CDR2: variants seen among roughly 807,000 people sequenced by gnomAD.
CDR2 encodes the protein cerebellar degeneration-related protein 2.
A neutral mutation model predicts 48.4 loss-of-function variants in CDR2; 34 were observed. The ratio of observed to expected loss-of-function variants is 0.70; its 90% CI spans 0.53 to 0.94. The LOEUF (loss-of-function observed/expected upper bound fraction) is 0.94. CDR2 is among the 40% of genes least tolerant of loss of function. The pLI, the probability that CDR2 is intolerant of heterozygous loss-of-function variation, is 0.00. For missense variants in CDR2, 498 were observed against 549.5 expected, an observed-to-expected ratio of 0.91 and a Z score of 0.94; for synonymous variants, 240 against 219.7, an observed-to-expected ratio of 1.09 and a Z score of -0.82.
chr16:22,358,787 T>C (rs566682230), intron 2 of CDR2, among the ~76,000 whole-genome samples: 1 of 152,238 alleles, frequency 6.6e-6, no homozygotes, highest in Non-Finnish European at 1.5e-5. Context: ...GCGGGAGGCA[T>C]GAACATGAAA....
At chr16:22,364,548 C>T (rs2049032435) in intron 2 of CDR2, among the ~76,000 whole-genome samples, 1 of 151,956 alleles carries the variant, frequency 6.6e-6, no homozygotes, top group East Asian at 1.9e-4. Context: ...TTCTCTTACC[C>T]CATTCTGTAT....
chr16:22,356,954 A>AG (rs2048978404), intron 2 of CDR2, among the ~76,000 whole-genome samples: 1 of 108,424 alleles, frequency 9.2e-6, no homozygotes, highest in African/African-American at 3.0e-5. Context: ...AAAAAAAAAG[A>AG]AAAAAAAAAA....
intron 2 of CDR2, among the ~76,000 whole-genome samples, chr16:22,350,379 T>C (rs989851729): frequency 6.6e-6 from 1 of 152,102 alleles, no homozygotes; most frequent in African/African-American, 2.4e-5. Flanking sequence ...ATCAGCATGA[T>C]TGATTCAATT....
At chr16:22,351,921 C>A (rs1020119019) in intron 2 of CDR2, among the ~76,000 whole-genome samples, 3 of 152,128 alleles carry the variant, frequency 2.0e-5, no homozygotes, top group African/African-American at 7.2e-5. Flanking sequence ...TACTGATGAT[C>A]AAACTGTAAA....
intron 1 of CDR2, among the ~76,000 whole-genome samples, chr16:22,366,465 A>T (rs1394258447): frequency 6.6e-6 from 1 of 152,230 alleles, no homozygotes; most frequent in Non-Finnish European, 1.5e-5. Context: ...AAATTTAAGA[A>T]CATGTGACCA....
intron 2 of CDR2, among the ~76,000 whole-genome samples, chr16:22,360,030 G>C (rs1246234808): frequency 1.3e-5 from 2 of 152,240 alleles, no homozygotes; most frequent in African/African-American, 2.4e-5. Flanking sequence ...ATGAACTCTT[G>C]AAAGAAGGGA....
chr16:22,366,241 G>GCATA (rs1223564703), intron 1 of CDR2, among the ~76,000 whole-genome samples: 5 of 152,132 alleles, frequency 3.3e-5, no homozygotes, highest in African/African-American at 1.2e-4. Context: ...ATTCATGCAT[G>GCATA]CATGCATATA....
intron 2 of CDR2, among the ~76,000 whole-genome samples, chr16:22,360,469 C>A (rs1383576264): frequency 2.6e-5 from 4 of 152,178 alleles, no homozygotes; most frequent in East Asian, 3.9e-4. Context: ...TTGTTTGAAA[C>A]CCTCCAAGAG....
chr16:22,348,232 C>T (rs2048920339), intron 4 of CDR2, among the ~76,000 whole-genome samples: 3 of 152,126 alleles, frequency 2.0e-5, no homozygotes, highest in Non-Finnish European at 4.4e-5. Flanking sequence ...CCACCACACC[C>T]GGCCAACAGT....
Position 22,349,408 on chromosome 16 carries a change from A to G in CDR2, c.377T>C (p.Ile126Thr), listed in dbSNP as rs759267441. Residue 126 changes from isoleucine to threonine, a missense_variant, in exon 4 of 5, where the codon ATT (isoleucine) becomes ACT (threonine). Transcript: ENST00000268383. ...CTCCACTTGGCTCTGGAGGTGATCA[A>G]TGTTGGTTTGCAGGCATTCAATCGT... ...TETIECLQTN[I>T]DHLQSQVEEL... is the part of the protein sequence containing the mutation. 7 of 1,613,988 alleles carry G rather than the reference A, an allele frequency of 4.3e-6. No individual in the cohort carries two copies. The highest frequency in any genetic ancestry group is 1.3e-5 in the African/African-American group (1 of 74,890).
chr16:22,367,520 C>G (rs2049051370), intron 1 of CDR2, among the ~76,000 whole-genome samples: 1 of 152,062 alleles, frequency 6.6e-6, no homozygotes, highest in African/African-American at 2.4e-5. Flanking sequence ...AAATTTTATT[C>G]TAGGTATGAT....
intron 1 of CDR2, 66 bp from the exon 2 acceptor site, chr16:22,365,080 T>C (rs1167008189): frequency 1.4e-5 from 15 of 1,056,758 alleles, no homozygotes; most frequent in Admixed American, 9.0e-5. Context: ...TATAACCCAG[T>C]CCTTCAAAAA....
intron 1 of CDR2, 196 bp from the exon 2 acceptor site, chr16:22,365,210 C>T: frequency 2.0e-6 from 1 of 496,054 alleles, no homozygotes; most frequent in South Asian, 2.8e-5. Flanking sequence ...CTCTTATGTA[C>T]CCATACTTGT....
chr16:22,356,969 A>G lies in CDR2; in HGVS notation c.193-7120T>C, dbSNP rs1228182908. On this transcript the variant is annotated intron_variant, in intron 2 of 4. Transcript: ENST00000268383. ...AAAAAAAAAGAAAAAAAAAAAAAAA[A>G]AAGAAGACCACCTTAAAGCAGGTCT... 4.6e-5 allele frequency among the ~76,000 whole-genome samples: 7 copies of G among 151,254 alleles called. 1 individual carries two copies. In the East Asian group the frequency reaches 1.4e-3, roughly 29 times the overall value.
At chr16:22,354,850 C>T (rs576125990) in intron 2 of CDR2, among the ~76,000 whole-genome samples, 67 of 152,216 alleles carry the variant, frequency 4.4e-4, no homozygotes, top group African/African-American at 1.5e-3. Context: ...GATAAGATCA[C>T]ACCATTGCAC....
intron 1 of CDR2, chr16:22,368,762 A>T (rs962507049): frequency 1.3e-5 from 2 of 152,242 alleles, no homozygotes; most frequent in Non-Finnish European, 2.9e-5. Flanking sequence ...AAGGTAGAGA[A>T]TACAAATGTT....
chr16:22,362,875 C>G (rs1046079924), intron 2 of CDR2, among the ~76,000 whole-genome samples: 1 of 151,300 alleles, frequency 6.6e-6, no homozygotes, highest in Non-Finnish European at 1.5e-5. Context: ...GCGTTAGCCA[C>G]CATGCCTAGC....
chr16:22,347,787 G>C lies in CDR2; in HGVS notation c.543C>G (p.Ile181Met), dbSNP rs746262316. The C allele has an allele frequency of 1.2e-6, 2 of 1,613,604 alleles. No individual in the cohort carries two copies. The highest frequency in any genetic ancestry group is 2.7e-5 in the African/African-American group (2 of 74,890). Residue 181 changes from isoleucine to methionine, a missense_variant, in exon 5 of 5, where the codon ATC (isoleucine) becomes ATG (methionine). By Grantham distance (10) the Ile-to-Met change is conservative. Transcript: ENST00000268383. ...FVYDHVFAEK[I>M]TSLQGQPSPD... Reference sequence around the variant, plus strand: ...GGCTTGGCTGACCTTGCAAGGAAGTGATCTTCTCAGCGAACACATGATCAT... The same window carrying C: ...GGCTTGGCTGACCTTGCAAGGAAGTCATCTTCTCAGCGAACACATGATCAT...
At chr16:22,349,671 T>G in intron 3 of CDR2, 30 bp downstream of exon 3, 1 of 1,611,066 alleles carries the variant, frequency 6.2e-7, no homozygotes, top group Non-Finnish European at 8.5e-7. Flanking sequence ...TTCCCCCTAG[T>G]CCTTCCTTGT....
Sources: gnomAD v4.1 joint callset for allele counts (sites outside exome capture counted in the v4.1 genomes callset) on GRCh38, gnomAD v4.1.1 for gene constraint, MANE v1.5 for transcripts, NCBI Gene and HGNC (gene_info 2026-07-23, HGNC 2026-07-21) for gene names.